DDAH1: variants seen among roughly 807,000 people sequenced by gnomAD.
DDAH1 encodes N(G),N(G)-dimethylarginine dimethylaminohydrolase 1.
A neutral mutation model predicts 28.8 loss-of-function variants in DDAH1; 19 were observed. The ratio of observed to expected loss-of-function variants is 0.66; its 90% CI spans 0.46 to 0.97. The LOEUF is 0.97. DDAH1 is among the 50% of genes least tolerant of loss of function. The pLI is 0.00. For synonymous variants in DDAH1, 153 were observed against 154.4 expected (o/e 0.99, Z 0.07); for missense variants, 326 against 375.9 (o/e 0.87, Z 1.10).
rs1553121790 is a variant in DDAH1 at position 85,325,367 on chromosome 1, G to GCGCA, written c.598-485_598-484insTGCG. On this transcript the variant is annotated intron_variant, in intron 4 of 5. Coordinates refer to ENST00000284031, the MANE Select transcript of DDAH1 (RefSeq NM_012137.4). ...CATGCACGTGCGTGCGCGCGCGCGC[G>GCGCA]CACACACACACGCTTTGCTCTTCCA... is the stretch of plus-strand genomic sequence containing the variant. Among the ~76,000 whole-genome samples the GCGCA allele has an allele frequency of 5.6e-5, 8 of 143,912 alleles. No homozygotes were observed. In the East Asian group the frequency reaches 6.9e-4, roughly 12 times the overall value. 94.4% of individuals were successfully genotyped at this position (143,912 alleles called of 152,430 possible).
At chr1:85,444,196 C>T (rs939393247) in intron 1 of DDAH1, among the ~76,000 whole-genome samples, 3 of 152,060 alleles carry the variant, frequency 2.0e-5, no homozygotes, top group Non-Finnish European at 4.4e-5. Flanking sequence ...CCCATCAATA[C>T]CTAATTTATT....
At chr1:85,528,679 C>G (rs1657954820) in intron 1 of DDAH1, among the ~76,000 whole-genome samples, 1 of 152,084 alleles carries the variant, frequency 6.6e-6, no homozygotes, top group Admixed American at 6.6e-5. Context: ...TATACCCCAT[C>G]CAATTTTTTT....
chr1:85,336,012 T>TA (rs869274000), intron 4 of DDAH1, among the ~76,000 whole-genome samples: 1 of 125,936 alleles, frequency 7.9e-6, no homozygotes. Context: ...TAAAATAAAA[T>TA]AAAAAACAAA....
intron 1 of DDAH1, among the ~76,000 whole-genome samples, chr1:85,514,272 A>C (rs1657362988): frequency 6.6e-6 from 1 of 152,158 alleles, no homozygotes; most frequent in African/African-American, 2.4e-5. Context: ...TTCTGAGCAA[A>C]CTATCACAAG....
At chr1:85,405,917 G>C (rs895048064) in intron 1 of DDAH1, among the ~76,000 whole-genome samples, 27 of 152,162 alleles carry the variant, frequency 1.8e-4, no homozygotes, top group African/African-American at 6.3e-4. Context: ...TAACACTTAT[G>C]TTGCCAACTT....
intron 1 of DDAH1, among the ~76,000 whole-genome samples, chr1:85,558,293 CA>C (rs1386650970): frequency 6.6e-6 from 1 of 152,168 alleles, no homozygotes; most frequent in Non-Finnish European, 1.5e-5. Context: ...ACCCAGGAGG[CA>C]GAGGTTGCAG....
At chr1:85,544,510 T>C (rs1192742205) in intron 1 of DDAH1, among the ~76,000 whole-genome samples, 3 of 152,194 alleles carry the variant, frequency 2.0e-5, no homozygotes, top group Non-Finnish European at 4.4e-5. Context: ...TGCCAGTGAA[T>C]GCCTAACTCT....
At chr1:85,345,359 G>C (rs933958518) in intron 4 of DDAH1, among the ~76,000 whole-genome samples, 1 of 151,704 alleles carries the variant, frequency 6.6e-6, no homozygotes, top group Non-Finnish European at 1.5e-5. Flanking sequence ...TACAGGTAGA[G>C]GGGTATGAAG....
intron 4 of DDAH1, among the ~76,000 whole-genome samples, chr1:85,347,670 C>T (rs1383061224): frequency 1.3e-5 from 2 of 151,996 alleles, no homozygotes; most frequent in Non-Finnish European, 2.9e-5. Flanking sequence ...ATGTAAATAA[C>T]GAGTTAATAG....
At position 85,436,524 on chromosome 1, in the gene DDAH1, T is replaced by C. The variant is rs968286855; in HGVS notation, c.303+28219A>G. ...CATGTACTGCTGATGTGAAAACATA[T>C]ATGCTATAGCAATCTGGGACACTAT... On this transcript the variant is annotated intron_variant, in intron 1 of 5. Transcript: ENST00000284031. Among the ~76,000 whole-genome samples the C allele has an allele frequency of 2.6e-4, 40 of 152,196 alleles. 1 individual carries two copies. The highest frequency in any genetic ancestry group is 8.4e-4 in the African/African-American group (35 of 41,444).
chr1:85,324,196 G>A (rs1181818086), intron 5 of DDAH1, among the ~76,000 whole-genome samples: 2 of 151,412 alleles, frequency 1.3e-5, no homozygotes, highest in South Asian at 2.1e-4. Flanking sequence ...TCTTGAGCCC[G>A]GGAGGTGGGG....
At chr1:85,353,091 A>G (rs930985999) in intron 2 of DDAH1, among the ~76,000 whole-genome samples, 2 of 152,208 alleles carry the variant, frequency 1.3e-5, no homozygotes, top group Non-Finnish European at 2.9e-5. Flanking sequence ...ACCTATGTAC[A>G]AAGTACAAAA....
Position 85,491,043 on chromosome 1 carries a change from A to ACTCTTTTTTTTT in DDAH1, c.-7+5122_-7+5123insAAAAAAAAAGAG, listed in dbSNP as rs1557686884. On this transcript the variant is annotated intron_variant, in intron 2 of 6. Coordinates refer to the DDAH1 transcript ENST00000426972. The stretch of plus-strand genomic sequence containing the variant: ...TCTTCTAATGACAACAGTAACATGT[A>ACTCTTTTTTTTT]TTCTTTTTTTTTTTTTTTTTTTTGA... Among the ~76,000 whole-genome samples the ACTCTTTTTTTTT allele has an allele frequency of 1.0e-4, 8 of 79,340 alleles. 4 individuals carry two copies. The highest frequency in any genetic ancestry group is 1.4e-4 in the Non-Finnish European group (6 of 42,166). The allele number at this position is 79,340 out of a possible 152,430, so 52.1% of individuals were successfully genotyped here. A position where few individuals can be genotyped will look rare whatever the true frequency, so the allele number is the denominator to read the frequency against.
intron 1 of DDAH1, among the ~76,000 whole-genome samples, chr1:85,367,973 C>T (rs1167322438): frequency 6.6e-6 from 1 of 152,136 alleles, no homozygotes; most frequent in African/African-American, 2.4e-5. Context: ...AGGTATACAA[C>T]AAAATTGACA....
In DDAH1 at chr1:85,569,848, C is replaced by T. The variant is rs539431079; in HGVS notation, c.-123+8136G>A. 2.6e-5 allele frequency among the ~76,000 whole-genome samples: 4 copies of T among 152,334 alleles called. No homozygotes were observed. In the South Asian group the frequency reaches 6.2e-4, roughly 24 times the overall value. ...GAATCCACGAGAATGTCCTAATTCA[C>T]GGTTGCTCTTCAGCTTCTCTTGTTT... On this transcript the variant is annotated intron_variant, in intron 1 of 6. Coordinates refer to the DDAH1 transcript ENST00000426972.
In DDAH1 at chr1:85,464,707, GCGCGCCCCGGC is replaced by G. The variant is rs759534697; in HGVS notation, c.303+25_303+35del. ...GGCCGGCGGCGGGGGAGGGCCTGGC[GCGCGCCCCGGC>G]CGCGCCCCTCGAGTCGGCAGTTACC... On this transcript the variant is annotated intron_variant, in intron 1 of 5. Transcript: ENST00000284031. The surrounding 1 kb of genome is among the most constrained non-coding windows in gnomAD (Gnocchi z 4.4). The G allele has an allele frequency of 9.0e-6, 13 of 1,437,526 alleles. No homozygotes were observed. The South Asian group carries it at 1.2e-4, about 13-fold the overall frequency. The allele number at this position is 1,437,526 out of a possible 1,614,324, so 89.0% of individuals were successfully genotyped here. A position where few individuals can be genotyped will look rare whatever the true frequency, so the allele number is the denominator to read the frequency against.
intron 2 of DDAH1, among the ~76,000 whole-genome samples, chr1:85,352,325 C>T (rs974253821): frequency 3.3e-5 from 5 of 152,046 alleles, no homozygotes; most frequent in Admixed American, 6.6e-5. Context: ...GGTGGGTTGC[C>T]GCCTTGCACC....
intron 1 of DDAH1, among the ~76,000 whole-genome samples, chr1:85,507,953 C>A (rs180870655): frequency 3.3e-5 from 5 of 152,168 alleles, no homozygotes; most frequent in African/African-American, 1.2e-4. Flanking sequence ...AAGCTTACTT[C>A]GATTCAGATT....
chr1:85,568,601 A>C (rs965217015), intron 1 of DDAH1, among the ~76,000 whole-genome samples: 4 of 152,228 alleles, frequency 2.6e-5, no homozygotes, highest in African/African-American at 9.7e-5. Context: ...GCACATTAGG[A>C]ACCCTAGATT....
Sources: gnomAD v4.1 joint callset for allele counts (sites outside exome capture counted in the v4.1 genomes callset) on GRCh38, gnomAD v4.1.1 for gene constraint, Gnocchi (gnomAD v3.1) non-coding constraint, MANE v1.5 for transcripts, NCBI Gene and HGNC (gene_info 2026-07-23, HGNC 2026-07-21) for gene names.